RBBP7: variants seen among roughly 807,000 people sequenced by gnomAD.
The protein encoded by RBBP7 is RB binding protein 7, chromatin remodeling factor.
RBBP7 carries 5 observed loss-of-function variants against 35.2 expected under a neutral mutation model. That is an observed-to-expected ratio of 0.14 (90% CI 0.07 to 0.30). The LOEUF is 0.30. Among genes scored for constraint, RBBP7 ranks in the 10% least tolerant of loss-of-function variants. RBBP7 has a pLI of 1.00. For missense variants in RBBP7, 155 were observed against 327.5 expected (o/e 0.47, Z 4.07); for synonymous variants, 140 against 118.7 (o/e 1.18, Z -1.17).
chrX:16,867,012 T>G (rs1930640599), intron 2 of RBBP7, among the ~76,000 whole-genome samples: 1 of 112,136 alleles, frequency 8.9e-6, no homozygotes, highest in East Asian at 2.8e-4. Context: ...ATAGGTAACA[T>G]TTTTTTAAAA....
chrX:16,868,959 T>C, intron 2 of RBBP7, 117 bp downstream of exon 2: 1 of 783,393 alleles, frequency 1.3e-6, no homozygotes, highest in Non-Finnish European at 1.8e-6. Context: ...AAAAACCACC[T>C]GCCACCTCAT....
At chrX:16,851,570 T>C (rs1569059798) in intron 9 of RBBP7, among the ~76,000 whole-genome samples, 1 of 111,837 alleles carries the variant, frequency 8.9e-6, no homozygotes, top group African/African-American at 3.2e-5. Context: ...GCTTGGGCTG[T>C]CCTTGTCCCC....
rs183587309 is a variant in RBBP7, at chrX:16,866,799, T to A, written c.161+2277A>T. ...ATGGTGATAAAACACAGTCCCTTTA[T>A]ACCCCAAACTGAACCCTGCAAAGCA... On this transcript the variant is annotated intron_variant, in intron 2 of 11. Transcript: ENST00000380087. 2.2e-3 allele frequency among the ~76,000 whole-genome samples: 238 copies of A among 110,129 alleles called. 1 individual carries two copies. The highest frequency in any genetic ancestry group is 7.1e-3 in the African/African-American group (215 of 30,236).
In RBBP7 at chrX:16,858,797, G is replaced by C. The variant is rs1264763352; in HGVS notation, c.360C>G (p.Ile120Met). Residue 120 changes from isoleucine (I) to methionine (M), a missense_variant, in exon 4 of 12, where the codon ATC becomes ATG. Ile to Met is a conservative substitution (Grantham distance 10, BLOSUM62 1). This residue lies in a region of RBBP7 where 59 missense variants were observed against 90.4 expected (regional missense o/e 0.65). Coordinates refer to ENST00000380087, the MANE Select transcript of RBBP7 (RefSeq NM_002893.4). ...CACGGTTTACTTCTCCTTCGTGATT[G>C]ATTTTAATTTCACATTCAATTTTTC... ...VTGKIECEIKINHEGEVNRAR... is the reference protein window; with the variant it reads ...VTGKIECEIKMNHEGEVNRAR... 8.3e-7 allele frequency: 1 copy of C among 1,211,515 alleles called. No individual in the cohort carries two copies. The highest frequency in any genetic ancestry group is 3.0e-5 in the East Asian group (1 of 33,824).
In RBBP7 at chrX:16,853,763, G is replaced by A; in HGVS notation, c.677C>T (p.Ser226Leu). ...CCAGGCCACATCCTCTACAACAGCTGAGTGGCCAGTAAAGATGGCTTTAGC... is the reference window on the plus strand; with the variant it reads ...CCAGGCCACATCCTCTACAACAGCTAAGTGGCCAGTAAAGATGGCTTTAGC... ...VDAKAIFTGH[S>L]AVVEDVAWHL... The change falls in exon 6 of 12, where the codon TCA becomes TTA. Residue 226 changes from serine (S) to leucine (L), a missense_variant. Transcript: ENST00000380087. The A allele has an allele frequency of 8.4e-7, 1 of 1,190,842 alleles. No individual in the cohort carries two copies. The highest frequency in any genetic ancestry group is 1.8e-5 in the African/African-American group (1 of 56,410).
At chrX:16,858,982 G>A (rs994473178) in intron 3 of RBBP7, 133 bp from the exon 4 acceptor site, 1 of 974,055 alleles carries the variant, frequency 1.0e-6, no homozygotes, top group Non-Finnish European at 1.3e-6. Flanking sequence ...ACAGAAACAT[G>A]CATAGAGAAA....
intron 10 of RBBP7, chrX:16,847,548 T>G (rs1930111150): frequency 9.1e-6 from 1 of 109,482 alleles, no homozygotes; most frequent in Non-Finnish European, 1.9e-5. Context: ...ACTGGTGGAA[T>G]AGTTTACTAC....
intron 4 of RBBP7, 126 bp from the exon 5 acceptor site, chrX:16,857,835 C>A: frequency 1.0e-6 from 1 of 969,299 alleles, no homozygotes; most frequent in Non-Finnish European, 1.4e-6. Context: ...TCTTTAATAC[C>A]CAATGCAAAT....
In RBBP7 at chrX:16,870,287, G is replaced by C; in HGVS notation, c.-234C>G. The C allele has an allele frequency of 6.1e-6, 2 of 328,262 alleles. No individual in the cohort carries two copies. The highest frequency in any genetic ancestry group is 8.6e-6 in the Non-Finnish European group (2 of 233,162). 27.1% of individuals were successfully genotyped at this position (328,262 alleles called of 1,213,427 possible). On this transcript the variant is annotated 5_prime_UTR_variant, in exon 1 of 12. Transcript: ENST00000380087. ...CGCTCTTCTCTCTCTCTCCAAACTT[G>C]GAACGAGACTTTTCAACCCGCGCCT...
At chrX:16,866,709 G>C (rs1438836589) in intron 2 of RBBP7, among the ~76,000 whole-genome samples, 2 of 110,265 alleles carry the variant, frequency 1.8e-5, no homozygotes, top group Non-Finnish European at 3.8e-5. Context: ...AGGCCTATGA[G>C]GTGGAGTAGG....
intron 11 of RBBP7, among the ~76,000 whole-genome samples, chrX:16,845,537 C>CA (rs1292332554): frequency 8.9e-6 from 1 of 111,913 alleles, no homozygotes; most frequent in Non-Finnish European, 1.9e-5. Context: ...ACACTGGAGA[C>CA]AGAGTAGCGA....
chrX:16,859,351 C>T (rs1930416228), intron 3 of RBBP7, among the ~76,000 whole-genome samples: 1 of 112,188 alleles, frequency 8.9e-6, no homozygotes, highest in Non-Finnish European at 1.9e-5. Context: ...CTAACCCCTA[C>T]CTGTCCCTAA....
chrX:16,849,247 G>A lies in RBBP7; in HGVS notation c.1095C>T (p.Leu365=). The A allele has an allele frequency of 8.3e-7, 1 of 1,209,081 alleles. No individual in the cohort carries two copies. The highest frequency in any genetic ancestry group is 1.1e-6 in the Non-Finnish European group (1 of 893,697). ...TCTTCTATAAGCCAATGCGTACCAG[G>A]AGTTCTGGAGGCCCATCTTCTGCAT... The part of the protein sequence containing the change: ...AEDAEDGPPE[L]LFIHGGHTAK... Residue 365 remains leucine (L), a synonymous_variant, in exon 10 of 12, where the codon CTC becomes CTT. Transcript: ENST00000380087.
Position 16,853,702 on chromosome X carries a change from A to G in RBBP7, c.738T>C (p.Ala246=), listed in dbSNP as rs763999986. 1.7e-6 allele frequency: 2 copies of G among 1,161,799 alleles called. No individual in the cohort carries two copies. Among genetic ancestry groups the G allele is most frequent in the East Asian group, 6.4e-5 (2 of 31,232 alleles). ...CTTACATCATAAGTTTCTGATCATCAGCAACAGATCCAAACAATGACTCGT... is the reference window on the plus strand; with the variant it reads ...CTTACATCATAAGTTTCTGATCATCGGCAACAGATCCAAACAATGACTCGT... ...LLHESLFGSV[A]DDQKLMIWDT... The change falls in exon 6 of 12, where the codon GCT becomes GCC. Residue 246 remains alanine (A), a synonymous_variant. Coordinates refer to ENST00000380087, the MANE Select transcript of RBBP7 (RefSeq NM_002893.4).
At chrX:16,863,952 A>C (rs1569063045) in intron 2 of RBBP7, among the ~76,000 whole-genome samples, 5 of 111,398 alleles carry the variant, frequency 4.5e-5, no homozygotes, top group Admixed American at 2.9e-4. Flanking sequence ...ACTGAGAAGT[A>C]GGGGTCTAGG....
At chrX:16,864,364 A>T in intron 2 of RBBP7, among the ~76,000 whole-genome samples, 1 of 110,200 alleles carries the variant, frequency 9.1e-6, no homozygotes, top group Middle Eastern at 4.7e-3. Flanking sequence ...TATTAAAAAT[A>T]CAAAATTAGC....
chrX:16,853,874 A>C, intron 5 of RBBP7, 32 bp from the exon 6 acceptor site: 4 of 1,004,622 alleles, frequency 4.0e-6, no homozygotes, highest in Non-Finnish European at 5.1e-6. Flanking sequence ...AAAAAAGAAC[A>C]AGGGCTATAA....
chrX:16,859,797 T>C (rs912850134), intron 3 of RBBP7, among the ~76,000 whole-genome samples: 2 of 111,166 alleles, frequency 1.8e-5, no homozygotes, highest in African/African-American at 6.6e-5. Context: ...AGAAGTAAAA[T>C]AGACCGGGGC....
intron 9 of RBBP7, among the ~76,000 whole-genome samples, 199 bp downstream of exon 9, chrX:16,851,847 A>C (rs192044813): frequency 1.8e-5 from 2 of 112,690 alleles, no homozygotes; most frequent in East Asian, 5.5e-4. Context: ...CACACTAGAG[A>C]AATTTATTTT....
Sources: gnomAD v4.1 joint callset for allele counts (sites outside exome capture counted in the v4.1 genomes callset) on GRCh38, gnomAD v4.1.1 for gene constraint, gnomAD v4.1.1 regional missense constraint, MANE v1.5 for transcripts, NCBI Gene and HGNC (gene_info 2026-07-23, HGNC 2026-07-21) for gene names.